The following SLC8A1 variants were observed in gnomAD, a reference collection of about 807,000 sequenced individuals.
The protein encoded by SLC8A1 is solute carrier family 8 member A1.
In SLC8A1, 18 loss-of-function variants were observed where a neutral mutation model predicts 68.3. The observed-to-expected ratio is 0.26, with a 90% confidence interval of 0.18 to 0.39. The LOEUF (loss-of-function observed/expected upper bound fraction) is 0.39, where lower values mean the gene tolerates loss of function less well. Among genes scored for constraint, SLC8A1 ranks in the 10% least tolerant of loss-of-function variants. The pLI, the probability that SLC8A1 is intolerant of heterozygous loss-of-function variation, is 1.00. For missense variants in SLC8A1, 985 were observed against 1,156.7 expected (o/e 0.85, Z 2.15); for synonymous variants, 475 against 415.5 (o/e 1.14, Z -1.74).
chr2:40,217,256 C>G (rs1020566856), intron 2 of SLC8A1, among the ~76,000 whole-genome samples: 3 of 152,120 alleles, frequency 2.0e-5, no homozygotes, highest in Non-Finnish European at 4.4e-5. Flanking sequence ...ATCATTTCCC[C>G]ATTGCTTGTT....
chr2:40,383,497 A>C (rs1682585615), intron 2 of SLC8A1, among the ~76,000 whole-genome samples: 2 of 152,096 alleles, frequency 1.3e-5, no homozygotes, highest in Non-Finnish European at 2.9e-5. Context: ...AACAATGAGC[A>C]TATTTGCCAT....
At chr2:40,132,778 G>C (rs1160431513) in intron 7 of SLC8A1, among the ~76,000 whole-genome samples, 1 of 152,126 alleles carries the variant, frequency 6.6e-6, no homozygotes, top group African/African-American at 2.4e-5. Context: ...AAGGTTGAAA[G>C]GAGGCAAAAT....
chr2:40,162,895 C>T (rs1198605838), intron 5 of SLC8A1, among the ~76,000 whole-genome samples: 1 of 152,102 alleles, frequency 6.6e-6, no homozygotes, highest in African/African-American at 2.4e-5. Context: ...AAAGGTACCA[C>T]CCAGATTTGG....
At chr2:40,372,235 G>A (rs919937342) in intron 2 of SLC8A1, among the ~76,000 whole-genome samples, 3 of 151,994 alleles carry the variant, frequency 2.0e-5, no homozygotes, top group Non-Finnish European at 4.4e-5. Context: ...TATGGTCACA[G>A]AAATCCTAAG....
At chr2:40,504,240 A>G (rs1706227819) in intron 1 of SLC8A1, among the ~76,000 whole-genome samples, 2 of 152,076 alleles carry the variant, frequency 1.3e-5, no homozygotes, top group South Asian at 4.1e-4. Context: ...AGGCCTAGGA[A>G]AACTGAATAT....
rs182470501 is a variant in SLC8A1, at chr2:40,116,300, G to T, written c.2438-671C>A. On this transcript the variant is annotated intron_variant, in intron 7 of 7. Transcript: ENST00000406785. ...CTATATTACTGCATTGATTGTGATG[G>T]TACTTTTTTATTATTATTTTTTATT... is the stretch of plus-strand genomic sequence containing the variant. 1.5e-3 allele frequency among the ~76,000 whole-genome samples: 227 copies of T among 152,016 alleles called. 1 individual carries two copies. Among genetic ancestry groups the T allele is most frequent in the South Asian group, 8.1e-3 (39 of 4,792 alleles).
chr2:40,208,910 G>T (rs952118249), intron 2 of SLC8A1: 5 of 152,122 alleles, frequency 3.3e-5, no homozygotes, highest in African/African-American at 1.2e-4. Flanking sequence ...AAATTTGGAG[G>T]CCTTTGAGAT....
intron 2 of SLC8A1, among the ~76,000 whole-genome samples, chr2:40,326,225 C>T (rs1362742028): frequency 6.6e-6 from 1 of 152,120 alleles, no homozygotes; most frequent in Non-Finnish European, 1.5e-5. Context: ...GGGGTGCCTG[C>T]CCATACTCTC....
At chr2:40,264,565 C>G (rs2065115057) in intron 2 of SLC8A1, among the ~76,000 whole-genome samples, 1 of 152,244 alleles carries the variant, frequency 6.6e-6, no homozygotes, top group South Asian at 2.1e-4. Context: ...ACGGATGAAG[C>G]TGGAAACCAT....
chr2:40,350,493 TCATTTATCAAATGG>T (rs887785565), intron 2 of SLC8A1, among the ~76,000 whole-genome samples: 4 of 141,662 alleles, frequency 2.8e-5, no homozygotes, highest in South Asian at 2.2e-4. Flanking sequence ...TAAAAAAATG[TCATTTATCAAATGG>T]CATTTATCAA....
intron 2 of SLC8A1, among the ~76,000 whole-genome samples, chr2:40,230,465 C>G (rs1318818870): frequency 2.6e-5 from 4 of 152,130 alleles, no homozygotes; most frequent in African/African-American, 9.7e-5. Flanking sequence ...GTGAGAAATG[C>G]TGCTTAGATC....
chr2:40,380,772 AG>A (rs1681483831), intron 2 of SLC8A1, among the ~76,000 whole-genome samples: 1 of 152,106 alleles, frequency 6.6e-6, no homozygotes, highest in Admixed American at 6.6e-5. Context: ...ACAAAGGAAA[AG>A]GAGAAAATAC....
intron 2 of SLC8A1, among the ~76,000 whole-genome samples, chr2:40,326,176 GAAC>G (rs1196765653): frequency 2.0e-5 from 3 of 152,106 alleles, no homozygotes; most frequent in African/African-American, 7.2e-5. Context: ...CAGCCTCTTC[GAAC>G]TCAGAGCTAG....
chr2:40,253,000 CAT>C (rs533902606), intron 2 of SLC8A1, among the ~76,000 whole-genome samples: 102 of 132,184 alleles, frequency 7.7e-4, no homozygotes, highest in East Asian at 5.3e-3. Flanking sequence ...TATGTATATA[CAT>C]ATATATGTAT....
At chr2:40,421,711 A>G (rs1695550781) in intron 2 of SLC8A1, among the ~76,000 whole-genome samples, 1 of 152,126 alleles carries the variant, frequency 6.6e-6, no homozygotes, top group South Asian at 2.1e-4. Context: ...CCCTGTGAAG[A>G]CACTATAGGA....
At chr2:40,274,952 G>A (rs1024782124) in intron 2 of SLC8A1, among the ~76,000 whole-genome samples, 3 of 152,154 alleles carry the variant, frequency 2.0e-5, no homozygotes, top group African/African-American at 7.2e-5. Flanking sequence ...GGCACAGACT[G>A]CCCATTTCCT....
intron 2 of SLC8A1, among the ~76,000 whole-genome samples, chr2:40,279,900 T>C (rs1003558564): frequency 2.0e-5 from 3 of 152,222 alleles, no homozygotes; most frequent in South Asian, 2.1e-4. Flanking sequence ...TACATTTTCT[T>C]TGTTTCTTTA....
chr2:40,282,075 T>A (rs2067612650), intron 2 of SLC8A1, among the ~76,000 whole-genome samples: 1 of 152,176 alleles, frequency 6.6e-6, no homozygotes, highest in South Asian at 2.1e-4. Context: ...GATGCTGGTG[T>A]ATCAAATTGT....
At chr2:40,204,481 A>G (rs1415820544) in intron 2 of SLC8A1, among the ~76,000 whole-genome samples, 1 of 152,004 alleles carries the variant, frequency 6.6e-6, no homozygotes, top group South Asian at 2.1e-4. Flanking sequence ...GCTGAAAGAA[A>G]AACAACCATA....
Sources: gnomAD v4.1 joint callset for allele counts (sites outside exome capture counted in the v4.1 genomes callset) on GRCh38, gnomAD v4.1.1 for gene constraint, MANE v1.5 for transcripts, NCBI Gene and HGNC (gene_info 2026-07-23, HGNC 2026-07-21) for gene names.